The following PKN2 variants were observed in gnomAD, a reference collection of about 807,000 sequenced individuals.
PKN2 encodes protein kinase N2.
Under a neutral mutation model 119.1 loss-of-function variants are expected in PKN2, and 38 were observed. The ratio of observed to expected loss-of-function variants is 0.32; its 90% CI spans 0.25 to 0.42. The LOEUF (loss-of-function observed/expected upper bound fraction) is 0.42. Ranked by LOEUF, PKN2 falls within the 10% of genes least tolerant of loss-of-function variation. The probability of loss-of-function intolerance (pLI) is 1.00; values close to 1 mark genes in which losing one functional copy is unlikely to be tolerated. For synonymous variants in PKN2, 390 were observed against 384.9 expected (o/e 1.01, Z -0.15); for missense variants, 850 against 1,165.1 (o/e 0.73, Z 3.94).
intron 2 of PKN2, among the ~76,000 whole-genome samples, chr1:88,747,881 T>A (rs1182793393): frequency 1.3e-5 from 2 of 152,126 alleles, no homozygotes; most frequent in Admixed American, 6.5e-5. Flanking sequence ...TATATCTGTA[T>A]TGAGGGAACT....
intron 8 of PKN2, among the ~76,000 whole-genome samples, chr1:88,788,106 A>G (rs937543581): frequency 2.0e-5 from 3 of 152,340 alleles, no homozygotes; most frequent in Admixed American, 6.5e-5. Context: ...TTTGTCTTCT[A>G]TGGCATTCGG....
At chr1:88,806,328 C>T (rs954059550) in intron 12 of PKN2, 4 of 298,012 alleles carry the variant, frequency 1.3e-5, no homozygotes, top group African/African-American at 6.7e-5. Context: ...TGCCACCATG[C>T]CTGGCTAATT....
intron 1 of PKN2, among the ~76,000 whole-genome samples, chr1:88,704,485 A>G (rs1666895723): frequency 6.6e-6 from 1 of 152,194 alleles, no homozygotes; most frequent in Non-Finnish European, 1.5e-5. Flanking sequence ...TTACACTTTC[A>G]TTATTCTTGT....
intron 17 of PKN2, 82 bp from the exon 18 acceptor site, chr1:88,824,228 A>G (rs1570688226): frequency 2.9e-6 from 2 of 694,180 alleles, no homozygotes; most frequent in East Asian, 2.6e-5. Context: ...CACAGTTCCA[A>G]TTGCAATTAT....
chr1:88,745,698 C>T (rs1668742621), intron 2 of PKN2, among the ~76,000 whole-genome samples: 1 of 152,080 alleles, frequency 6.6e-6, no homozygotes, highest in Non-Finnish European at 1.5e-5. Context: ...TAATTCGTAT[C>T]AAAATCCCAA....
chr1:88,758,062 A>G (rs113406049), intron 2 of PKN2, among the ~76,000 whole-genome samples: 29 of 144,156 alleles, frequency 2.0e-4, no homozygotes, highest in South Asian at 4.3e-4. Context: ...AAAAAAAAAA[A>G]AGAAGTGTTT....
chr1:88,819,001 C>A (rs1346130424), intron 16 of PKN2, among the ~76,000 whole-genome samples: 1 of 137,324 alleles, frequency 7.3e-6, no homozygotes, highest in Non-Finnish European at 1.5e-5. Flanking sequence ...AACTGAACCC[C>A]TTCCTTACAC....
intron 1 of PKN2, among the ~76,000 whole-genome samples, chr1:88,738,578 G>A (rs114054589): frequency 1.3e-5 from 2 of 152,348 alleles, no homozygotes; most frequent in Admixed American, 6.5e-5. Flanking sequence ...GGGAGTTGAG[G>A]TAGGCAGTAA....
At chr1:88,759,009 G>A (rs1669333157) in intron 2 of PKN2, among the ~76,000 whole-genome samples, 1 of 152,236 alleles carries the variant, frequency 6.6e-6, no homozygotes, top group South Asian at 2.1e-4. Context: ...CACCAACAGT[G>A]TATAAGCATT....
At chr1:88,707,816 T>C (rs1276723354) in intron 1 of PKN2, among the ~76,000 whole-genome samples, 2 of 152,168 alleles carry the variant, frequency 1.3e-5, no homozygotes, top group Admixed American at 1.3e-4. Context: ...AACCAGAATA[T>C]TGAGAGAAAG....
At chr1:88,755,405 T>A (rs1669157687) in intron 2 of PKN2, among the ~76,000 whole-genome samples, 2 of 152,238 alleles carry the variant, frequency 1.3e-5, no homozygotes, top group South Asian at 4.1e-4. Flanking sequence ...GTGAACTTTA[T>A]AAAGTTTACT....
At chr1:88,717,804 CAA>C (rs1253534496) in intron 1 of PKN2, among the ~76,000 whole-genome samples, 1 of 152,122 alleles carries the variant, frequency 6.6e-6, no homozygotes, top group South Asian at 2.1e-4. Context: ...GTCAACTCGT[CAA>C]AGTCATTCTC....
intron 8 of PKN2, among the ~76,000 whole-genome samples, chr1:88,788,440 A>AT (rs879512615): frequency 0.013 from 1,910 of 147,242 alleles, 36 homozygotes; most frequent in African/African-American, 0.044. Context: ...ATAATCCAGG[A>AT]TTTTTTTTTT....
At chr1:88,722,434 A>G (rs1365485904) in intron 1 of PKN2, among the ~76,000 whole-genome samples, 1 of 152,206 alleles carries the variant, frequency 6.6e-6, no homozygotes, top group African/African-American at 2.4e-5. Context: ...TTCTATAACT[A>G]GACCTTTGGA....
intron 1 of PKN2, among the ~76,000 whole-genome samples, chr1:88,700,209 C>G (rs1252410582): frequency 6.6e-6 from 1 of 152,076 alleles, no homozygotes; most frequent in African/African-American, 2.4e-5. Context: ...CTGCAGTGAA[C>G]ATACACATAC....
At chr1:88,724,575 CTTT>C (rs35072207) in intron 1 of PKN2, among the ~76,000 whole-genome samples, 1 of 141,024 alleles carries the variant, frequency 7.1e-6, no homozygotes. Context: ...AGGGATTACT[CTTT>C]TTTTTTTTTT....
chr1:88,714,976 G>A (rs1484060337), intron 1 of PKN2, among the ~76,000 whole-genome samples: 1 of 152,138 alleles, frequency 6.6e-6, no homozygotes, highest in Non-Finnish European at 1.5e-5. Flanking sequence ...ACTGTTTTTA[G>A]TATGAAGCGC....
chr1:88,791,367 G>T (rs1670831665), intron 8 of PKN2, among the ~76,000 whole-genome samples: 1 of 150,886 alleles, frequency 6.6e-6, no homozygotes, highest in South Asian at 2.1e-4. Flanking sequence ...AACCCAGAAG[G>T]CAGAGGTTGC....
At chr1:88,800,993 G>A (rs987380003) in intron 8 of PKN2, among the ~76,000 whole-genome samples, 7 of 152,048 alleles carry the variant, frequency 4.6e-5, no homozygotes, top group African/African-American at 9.7e-5. Flanking sequence ...TGCTCCTAGA[G>A]TTTGAAATTA....
Sources: allele counts gnomAD v4.1 joint callset (sites outside exome capture counted in the v4.1 genomes callset), GRCh38; gene constraint gnomAD v4.1.1; transcripts MANE v1.5; gene names NCBI Gene and HGNC (gene_info 2026-07-23, HGNC 2026-07-21).